The following VWA8 variants were observed in gnomAD, a reference collection of about 807,000 sequenced individuals.
VWA8 encodes von Willebrand factor A domain-containing protein 8.
In VWA8, 221 loss-of-function variants were observed where a neutral mutation model predicts 241.5. That is an observed-to-expected ratio of 0.91 (90% CI 0.82 to 1.02). The LOEUF (loss-of-function observed/expected upper bound fraction) is 1.02, where lower values mean the gene tolerates loss of function less well. VWA8 is among the 50% of genes least tolerant of loss of function. The pLI is 0.00. For synonymous variants in VWA8, 852 were observed against 827.1 expected (o/e 1.03, Z -0.52); for missense variants, 2,322 against 2,328.7 (o/e 1.00, Z 0.06).
chr13:41,747,958 A>G (rs940220553), intron 21 of VWA8, among the ~76,000 whole-genome samples: 3 of 152,298 alleles, frequency 2.0e-5, no homozygotes, highest in Non-Finnish European at 2.9e-5. Context: ...CCACTTGATC[A>G]TGGTGGATAA....
intron 40 of VWA8, among the ~76,000 whole-genome samples, chr13:41,598,677 AT>A (rs1292339183): frequency 6.6e-6 from 1 of 152,062 alleles, no homozygotes; most frequent in East Asian, 1.9e-4. Context: ...TGTGCACAGA[AT>A]TCTTGGGTCA....
intron 42 of VWA8, among the ~76,000 whole-genome samples, chr13:41,578,643 G>A (rs562735302): frequency 5.6e-4 from 85 of 152,252 alleles, no homozygotes; most frequent in African/African-American, 2.0e-3. Context: ...CAACTTGACA[G>A]GGCCTCGAGC....
At chr13:41,941,020 A>T (rs1877572207) in intron 2 of VWA8, among the ~76,000 whole-genome samples, 1 of 152,128 alleles carries the variant, frequency 6.6e-6, no homozygotes, top group East Asian at 1.9e-4. Context: ...AACAAACAAA[A>T]AGTTTTGATT....
chr13:41,850,384 T>C (rs1872479048), intron 12 of VWA8, among the ~76,000 whole-genome samples: 1 of 152,144 alleles, frequency 6.6e-6, no homozygotes, highest in African/African-American at 2.4e-5. Context: ...GGCCCTGGTA[T>C]CAGGCAGCCC....
At chr13:41,718,065 T>A (rs1180736043) in intron 26 of VWA8, among the ~76,000 whole-genome samples, 1 of 152,034 alleles carries the variant, frequency 6.6e-6, no homozygotes, top group Non-Finnish European at 1.5e-5. Context: ...TAAGTAAAAA[T>A]TTTATCATGA....
intron 9 of VWA8, among the ~76,000 whole-genome samples, chr13:41,868,849 C>T (rs1243771798): frequency 7.9e-6 from 1 of 127,118 alleles, no homozygotes; most frequent in Non-Finnish European, 1.5e-5. Context: ...GATCGCGCCA[C>T]TGCACTCCAG....
At chr13:41,777,529 A>T (rs1303900456) in intron 20 of VWA8, among the ~76,000 whole-genome samples, 1 of 152,202 alleles carries the variant, frequency 6.6e-6, no homozygotes, top group African/African-American at 2.4e-5. Context: ...CACTGTACTG[A>T]AGACTCAGAC....
intron 14 of VWA8, among the ~76,000 whole-genome samples, chr13:41,828,758 T>C (rs910544741): frequency 6.6e-6 from 1 of 152,188 alleles, no homozygotes; most frequent in Non-Finnish European, 1.5e-5. Flanking sequence ...AGAATAGGAA[T>C]ATTCTCCTTC....
At chr13:41,883,358 A>G (rs1356037124) in intron 9 of VWA8, 29 bp downstream of exon 9, 4 of 1,561,742 alleles carry the variant, frequency 2.6e-6, no homozygotes, top group Non-Finnish European at 3.5e-6. Flanking sequence ...ATGGGAAAAG[A>G]AAGGAAAGAA....
intron 39 of VWA8, among the ~76,000 whole-genome samples, chr13:41,607,306 G>A (rs1161119854): frequency 6.6e-6 from 1 of 152,156 alleles, no homozygotes; most frequent in African/African-American, 2.4e-5. Flanking sequence ...CTGAATGGTT[G>A]TATCTTGAGG....
At chr13:41,696,481 T>G (rs1366014102) in intron 29 of VWA8, among the ~76,000 whole-genome samples, 6 of 152,230 alleles carry the variant, frequency 3.9e-5, no homozygotes, top group African/African-American at 1.4e-4. Context: ...ATTTTCAAAC[T>G]AATCTTTTTC....
intron 40 of VWA8, among the ~76,000 whole-genome samples, chr13:41,602,529 A>G (rs2044528414): frequency 6.6e-6 from 1 of 152,170 alleles, no homozygotes; most frequent in African/African-American, 2.4e-5. Context: ...TATCAAATGT[A>G]GAAAATTATA....
chr13:41,626,187 C>A (rs1392096034), intron 37 of VWA8, among the ~76,000 whole-genome samples: 8 of 151,810 alleles, frequency 5.3e-5, no homozygotes, highest in Admixed American at 5.3e-4. Context: ...ACATATGTAA[C>A]AAACCTGCAC....
chr13:41,766,206 T>C (rs2045777997), intron 20 of VWA8, among the ~76,000 whole-genome samples: 1 of 152,180 alleles, frequency 6.6e-6, no homozygotes, highest in Admixed American at 6.5e-5. Context: ...GTTACCCTGT[T>C]TCCTCAGAGA....
chr13:41,908,379 T>C (rs1470795655), intron 3 of VWA8, among the ~76,000 whole-genome samples: 1 of 151,992 alleles, frequency 6.6e-6, no homozygotes, highest in Non-Finnish European at 1.5e-5. Context: ...GGCAGGAGAA[T>C]TGCTTGAACC....
intron 20 of VWA8, among the ~76,000 whole-genome samples, chr13:41,769,011 T>G (rs1414648418): frequency 6.6e-6 from 1 of 151,100 alleles, no homozygotes; most frequent in Non-Finnish European, 1.5e-5. Context: ...CAGGTGATCC[T>G]CCAACCTCAG....
At chr13:41,598,921 C>T (rs2044505182) in intron 40 of VWA8, among the ~76,000 whole-genome samples, 1 of 151,560 alleles carries the variant, frequency 6.6e-6, no homozygotes, top group Non-Finnish European at 1.5e-5. Context: ...TTAGTAAAGT[C>T]CTTTTGATCC....
chr13:41,958,752 A>G (rs945999160), intron 1 of VWA8, among the ~76,000 whole-genome samples: 1 of 152,196 alleles, frequency 6.6e-6, no homozygotes, highest in African/African-American at 2.4e-5. Context: ...CCCTCAAAAA[A>G]TACCTCTTTT....
chr13:41,612,827 C>T (rs1283005169), intron 38 of VWA8, among the ~76,000 whole-genome samples: 1 of 152,222 alleles, frequency 6.6e-6, no homozygotes, highest in East Asian at 1.9e-4. Flanking sequence ...AATCCTGGCT[C>T]CAACCCACCA....
Sources: allele counts gnomAD v4.1 joint callset (sites outside exome capture counted in the v4.1 genomes callset), GRCh38; gene constraint gnomAD v4.1.1; transcripts MANE v1.5; gene names NCBI Gene and HGNC (gene_info 2026-07-23, HGNC 2026-07-21).